The following RGCC variants were observed in gnomAD, a reference collection of about 807,000 sequenced individuals.
RGCC encodes regulator of cell cycle, also known as regulator of cell cycle RGCC.
A neutral mutation model predicts 15.4 loss-of-function variants in RGCC; 15 were observed. The ratio of observed to expected loss-of-function variants is 0.97; its 90% CI spans 0.65 to 1.50. RGCC has a LOEUF of 1.50. Ranked by LOEUF, RGCC falls within the 40% of genes most tolerant of loss-of-function variation. The pLI, the probability that RGCC is intolerant of heterozygous loss-of-function variation, is 0.00. For synonymous variants in RGCC, 81 were observed against 78.0 expected, an observed-to-expected ratio of 1.04 and a Z score of -0.20; for missense variants, 176 against 189.7, an observed-to-expected ratio of 0.93 and a Z score of 0.42.
chr13:41,457,690 G>A lies in RGCC; in HGVS notation c.-18G>A, dbSNP rs1477751558. 6.0e-6 allele frequency: 9 copies of A among 1,489,212 alleles called. No individual in the cohort carries two copies. The highest frequency in any genetic ancestry group is 6.2e-6 in the Non-Finnish European group (7 of 1,121,030). The allele number at this position is 1,489,212 out of a possible 1,614,324, so 92.2% of individuals were successfully genotyped here. Reference sequence around the variant, plus strand: ...CAGGACCCAAGGCCACGCGCGCCGGGCCCAGCTGAGCCGCCTCATGAAGCC... The same window carrying A: ...CAGGACCCAAGGCCACGCGCGCCGGACCCAGCTGAGCCGCCTCATGAAGCC... On this transcript the variant is annotated 5_prime_UTR_variant, in exon 1 of 5. Transcript: ENST00000379359. The surrounding 1 kb of genome is among the most constrained non-coding windows in gnomAD (Gnocchi z 4.9).
rs370476569 is a variant in RGCC at position 41,469,295 on chromosome 13, T to TAAG, written c.406+493_406+495dup. 7.7e-3 allele frequency among the ~76,000 whole-genome samples: 668 copies of TAAG among 86,684 alleles called. 4 individuals are homozygous for TAAG. The highest frequency in any genetic ancestry group is 0.018 in the African/African-American group (488 of 26,714). 56.9% of individuals were successfully genotyped at this position (86,684 alleles called of 152,430 possible). ...ATAATAATAATAATAATAATAATAA[T>TAAG]AAGAAGAAGAAGAAGAAGAAGAAGA... On this transcript the variant is annotated intron_variant, in intron 4 of 4. Coordinates refer to ENST00000379359, the MANE Select transcript of RGCC (RefSeq NM_014059.3).
rs767884291 is a variant in RGCC at position 41,469,264 on chromosome 13, G to GTAATAA, written c.406+454_406+459dup. 4.3e-3 allele frequency among the ~76,000 whole-genome samples: 592 copies of GTAATAA among 136,576 alleles called. 6 individuals carry two copies. Among genetic ancestry groups the GTAATAA allele is most frequent in the African/African-American group, 0.016 (549 of 34,704 alleles). 89.6% of individuals were successfully genotyped at this position (136,576 alleles called of 152,430 possible). ...GACAGAGCAAGACTCCGTCAAAATA[G>GTAATAA]TAATAATAATAATAATAATAATAAT... On this transcript the variant is annotated intron_variant, in intron 4 of 4. Coordinates refer to ENST00000379359, the MANE Select transcript of RGCC (RefSeq NM_014059.3).
At position 41,457,695 on chromosome 13, in the gene RGCC, G is replaced by A; in HGVS notation, c.-13G>A. ...CCCAAGGCCACGCGCGCCGGGCCCA[G>A]CTGAGCCGCCTCATGAAGCCGCCCG... On this transcript the variant is annotated 5_prime_UTR_variant, in exon 1 of 5. Coordinates refer to ENST00000379359, the MANE Select transcript of RGCC (RefSeq NM_014059.3). This position sits in a 1 kb window ranked among gnomAD's most constrained non-coding sequence, Gnocchi z 4.9. 6.7e-7 allele frequency: 1 copy of A among 1,489,622 alleles called. No individual in the cohort carries two copies. Among genetic ancestry groups the A allele is most frequent in the South Asian group, 1.3e-5 (1 of 78,188 alleles). 92.3% of individuals were successfully genotyped at this position (1,489,622 alleles called of 1,614,324 possible). A position where few individuals can be genotyped will look rare whatever the true frequency, so the allele number is the denominator to read the frequency against.
At chr13:41,470,369 C>T in intron 4 of RGCC, 109 bp from the exon 5 acceptor site, 1 of 1,094,548 alleles carries the variant, frequency 9.1e-7, no homozygotes, top group Non-Finnish European at 1.4e-6. Context: ...GTGTGGGAAG[C>T]CCAGCATTGA....
At chr13:41,468,660 A>G (rs1360529272) in intron 3 of RGCC, 116 bp from the exon 4 acceptor site, 12 of 747,080 alleles carry the variant, frequency 1.6e-5, no homozygotes, top group Non-Finnish European at 2.5e-5. Flanking sequence ...GAAATAATCC[A>G]TTCTATAACT....
At position 41,466,973 on chromosome 13, in the gene RGCC, C is replaced by A. The variant is rs141320654; in HGVS notation, c.343+43C>A. 506 of 1,235,384 alleles carry A rather than the reference C, an allele frequency of 4.1e-4. 2 individuals carry two copies. The East Asian group carries it at 0.011, about 28-fold the overall frequency. The allele number at this position is 1,235,384 out of a possible 1,614,324, so 76.5% of individuals were successfully genotyped here. A position where few individuals can be genotyped will look rare whatever the true frequency, so the allele number is the denominator to read the frequency against. On this transcript the variant is annotated intron_variant, in intron 3 of 4. Coordinates refer to ENST00000379359, the MANE Select transcript of RGCC (RefSeq NM_014059.3). Reference sequence around the variant, plus strand: ...AATTTGAGTTTTTTGCTTTTTTATTCCTCTCTCCTTCTCAATCCCTTCTCT... The same window carrying A: ...AATTTGAGTTTTTTGCTTTTTTATTACTCTCTCCTTCTCAATCCCTTCTCT...
intron 2 of RGCC, among the ~76,000 whole-genome samples, chr13:41,459,804 A>C (rs563902521): frequency 6.6e-6 from 1 of 152,236 alleles, no homozygotes; most frequent in African/African-American, 2.4e-5. Context: ...GTCTCCTCCT[A>C]CTGGGGCATG....
At chr13:41,462,114 AG>A (rs1441670251) in intron 2 of RGCC, among the ~76,000 whole-genome samples, 4 of 152,212 alleles carry the variant, frequency 2.6e-5, no homozygotes, top group African/African-American at 9.7e-5. Context: ...CTGTGGCAAA[AG>A]GGAGGTAGGT....
intron 2 of RGCC, among the ~76,000 whole-genome samples, chr13:41,466,552 C>T (rs2043850434): frequency 6.6e-6 from 1 of 152,042 alleles, no homozygotes; most frequent in South Asian, 2.1e-4. Flanking sequence ...CTATGCCTGG[C>T]TAATTTTTGT....
At chr13:41,466,976 C>T in intron 3 of RGCC, 46 bp downstream of exon 3, 1 of 1,183,224 alleles carries the variant, frequency 8.5e-7, no homozygotes, top group Non-Finnish European at 1.3e-6. Context: ...TTTTATTCCT[C>T]TCTCCTTCTC....
At chr13:41,468,663 C>T (rs1415376034) in intron 3 of RGCC, 113 bp from the exon 4 acceptor site, 1 of 759,414 alleles carries the variant, frequency 1.3e-6, no homozygotes. Flanking sequence ...ATAATCCATT[C>T]TATAACTCTG....
Position 41,458,380 on chromosome 13 carries a change from C to T in RGCC, c.145C>T (p.Arg49Cys), listed in dbSNP as rs752213651. 6 of 1,598,576 alleles carry T rather than the reference C, an allele frequency of 3.8e-6. No homozygotes were observed. Among genetic ancestry groups the T allele is most frequent in the South Asian group, 1.1e-5 (1 of 90,090 alleles). Residue 49 changes from arginine (R) to cysteine (C), a missense_variant, in exon 2 of 5, where the codon CGC (arginine) becomes TGC (cysteine). Arg to Cys is a radical substitution (Grantham distance 180). Transcript: ENST00000379359. The surrounding 1 kb of genome is among the most constrained non-coding windows in gnomAD (Gnocchi z 4.4). ...CGACTTCGCGTCGCCCTTCCACGAGCGCCACTTCCACTACGAGGAGCACCT... is the reference window on the plus strand; with the variant it reads ...CGACTTCGCGTCGCCCTTCCACGAGTGCCACTTCCACTACGAGGAGCACCT... The part of the protein sequence containing the change: ...LADFASPFHE[R>C]HFHYEEHLER...
At chr13:41,461,168 G>T (rs776841172) in intron 2 of RGCC, among the ~76,000 whole-genome samples, 2 of 152,194 alleles carry the variant, frequency 1.3e-5, no homozygotes, top group African/African-American at 4.8e-5. Flanking sequence ...ACATGGTGGG[G>T]TGGGGGGTGT....
intron 2 of RGCC, among the ~76,000 whole-genome samples, chr13:41,460,438 G>A (rs114634503): frequency 1.6e-3 from 238 of 152,352 alleles, no homozygotes; most frequent in African/African-American, 5.5e-3. Context: ...GACACACCAG[G>A]ATAAGGATAA....
At chr13:41,461,713 G>A (rs992931482) in intron 2 of RGCC, among the ~76,000 whole-genome samples, 1 of 152,220 alleles carries the variant, frequency 6.6e-6, no homozygotes, top group Non-Finnish European at 1.5e-5. Flanking sequence ...GCATCAGCAA[G>A]ACTTAGAACA....
At chr13:41,466,122 T>A (rs1055314758) in intron 2 of RGCC, among the ~76,000 whole-genome samples, 7 of 148,984 alleles carry the variant, frequency 4.7e-5, no homozygotes, top group East Asian at 2.0e-4. Flanking sequence ...ACACACACAC[T>A]CTCATTTTCT....
intron 4 of RGCC, 127 bp from the exon 5 acceptor site, chr13:41,470,351 C>A: frequency 2.2e-6 from 2 of 914,370 alleles, no homozygotes; most frequent in Non-Finnish European, 3.6e-6. Flanking sequence ...GTTAATCAGA[C>A]ACTCATCGTG....
chr13:41,468,771 C>T lies in RGCC; in HGVS notation c.344-5C>T. The T allele has an allele frequency of 6.2e-7, 1 of 1,603,808 alleles. No individual in the cohort carries two copies. The highest frequency in any genetic ancestry group is 2.2e-5 in the East Asian group (1 of 44,856). On this transcript the variant is annotated splice_polypyrimidine_tract_variant and splice_region_variant and intron_variant, in intron 3 of 4. Coordinates refer to ENST00000379359, the MANE Select transcript of RGCC (RefSeq NM_014059.3). ...CTCTCTCTCTCTCCCTCTCCTGTTTCACAGCTAAATTAGGAGACACAAAAG... is the reference window on the plus strand; with the variant it reads ...CTCTCTCTCTCTCCCTCTCCTGTTTTACAGCTAAATTAGGAGACACAAAAG...
chr13:41,461,665 T>C (rs2043821691), intron 2 of RGCC, among the ~76,000 whole-genome samples: 1 of 152,218 alleles, frequency 6.6e-6, no homozygotes, highest in African/African-American at 2.4e-5. Context: ...ATTATGATAT[T>C]GTAGGACCAT....
Sources: gnomAD v4.1 joint callset for allele counts (sites outside exome capture counted in the v4.1 genomes callset) on GRCh38, gnomAD v4.1.1 for gene constraint, Gnocchi (gnomAD v3.1) non-coding constraint, MANE v1.5 for transcripts, NCBI Gene and HGNC (gene_info 2026-07-23, HGNC 2026-07-21) for gene names.